Variants in HOXC6 observed in about 807,000 individuals in gnomAD.
The protein encoded by HOXC6 is homeobox protein Hox-C6.
HOXC6 carries 10 observed loss-of-function variants against 24.0 expected under a neutral mutation model. That is an observed-to-expected ratio of 0.42 (90% CI 0.26 to 0.71). The LOEUF (loss-of-function observed/expected upper bound fraction) is 0.71, where lower values mean the gene tolerates loss of function less well. Ranked by LOEUF, HOXC6 falls within the 30% of genes least tolerant of loss-of-function variation. The pLI, the probability that HOXC6 is intolerant of heterozygous loss-of-function variation, is 0.28. For missense variants in HOXC6, 258 were observed against 303.4 expected (o/e 0.85, Z 1.11); for synonymous variants, 123 against 128.1 (o/e 0.96, Z 0.27).
rs1030404980 is a variant in HOXC6 at position 54,030,122 on chromosome 12, A to T, written c.*160A>T. Reference sequence around the variant, plus strand: ...ACGTGGACCTGAAAGTCAGCTCTGGACCCCCTCCCTCACCGCACAACTCTC... The same window carrying T: ...ACGTGGACCTGAAAGTCAGCTCTGGTCCCCCTCCCTCACCGCACAACTCTC... On this transcript the variant is annotated 3_prime_UTR_variant, in exon 2 of 2. Transcript: ENST00000243108. 1 of 642,498 alleles carries T rather than the reference A, an allele frequency of 1.6e-6. No individual in the cohort carries two copies. The allele number at this position is 642,498 out of a possible 1,614,324, so 39.8% of individuals were successfully genotyped here. A position where few individuals can be genotyped will look rare whatever the true frequency, so the allele number is the denominator to read the frequency against.
intron 1 of HOXC6, among the ~76,000 whole-genome samples, chr12:54,029,247 G>A (rs1185274167): frequency 6.6e-6 from 1 of 152,204 alleles, no homozygotes; most frequent in African/African-American, 2.4e-5. Flanking sequence ...AGGGGGAGAG[G>A]AGAGGCAGAT....
chr12:54,026,965 G>T (rs1021183138), upstream of HOXC6, among the ~76,000 whole-genome samples: 9 of 45,180 alleles, frequency 2.0e-4, no homozygotes, highest in Non-Finnish European at 1.5e-4. Context: ...CAAAAATGGT[G>T]GGGGGGGGGG....
chr12:54,029,699 T>C lies in HOXC6; in HGVS notation c.445T>C (p.Ser149Pro). The change falls in exon 2 of 2, where the codon TCG becomes CCG. Residue 149 changes from serine to proline, a missense_variant. Ser to Pro is a moderately conservative substitution (Grantham distance 74, BLOSUM62 -1). Transcript: ENST00000243108. ...CCGGAGGCGCGGCCGCCAGATCTAC[T>C]CGCGGTACCAGACCCTGGAACTGGA... ...ADRRRGRQIY[S>P]RYQTLELEKE... The C allele has an allele frequency of 6.2e-7, 1 of 1,614,012 alleles. No individual in the cohort carries two copies. The highest frequency in any genetic ancestry group is 8.5e-7 in the Non-Finnish European group (1 of 1,179,934).
At chr12:54,024,232 G>C (rs976729230), upstream of HOXC6, among the ~76,000 whole-genome samples, 6 of 152,224 alleles carry the variant, frequency 3.9e-5, no homozygotes, top group Middle Eastern at 6.8e-3. Flanking sequence ...AGAAAAGTGA[G>C]ACTTGGGGGT....
Position 54,030,664 on chromosome 12 carries a change from A to G in HOXC6, c.*702A>G, listed in dbSNP as rs760238658. On this transcript the variant is annotated 3_prime_UTR_variant, in exon 2 of 2. Transcript: ENST00000243108. ...TTCAAAAAAGGAAAAAAAAGAGGGAAAATTACAAAAAGAGAGAAAAAAAGT... is the reference window on the plus strand; with the variant it reads ...TTCAAAAAAGGAAAAAAAAGAGGGAGAATTACAAAAAGAGAGAAAAAAAGT... 6.5e-6 allele frequency: 1 copy of G among 152,676 alleles called. No homozygotes were observed. Among genetic ancestry groups the G allele is most frequent in the Non-Finnish European group, 1.5e-5 (1 of 68,050 alleles). The allele number at this position is 152,676 out of a possible 1,614,324, so 9.5% of individuals were successfully genotyped here.
At chr12:54,029,593 A>C (rs756477892) in intron 1 of HOXC6, 62 bp from the exon 2 acceptor site, 1 of 1,544,270 alleles carries the variant, frequency 6.5e-7, no homozygotes, top group Admixed American at 1.8e-5. Flanking sequence ...TTGCTAGGCG[A>C]AACAGTCTGC....
At chr12:54,028,376 C>A (rs1940823320), upstream of HOXC6, 3 of 818,734 alleles carry the variant, frequency 3.7e-6, no homozygotes, top group Non-Finnish European at 5.6e-6. Flanking sequence ...ATCTGGCTTG[C>A]GATTGGCTGG....
At chr12:54,016,902 C>A (rs1391305647) in exon 1 of HOXC6, 1 of 152,220 alleles carries the variant, frequency 6.6e-6, no homozygotes, top group Non-Finnish European at 1.5e-5. Flanking sequence ...AACAGTCCTC[C>A]CTGTAAGAGC....
At chr12:54,023,032 C>T (rs966040168) in intron 1 of HOXC6, among the ~76,000 whole-genome samples, 1 of 152,188 alleles carries the variant, frequency 6.6e-6, no homozygotes, top group African/African-American at 2.4e-5. Flanking sequence ...CTGGGCCAAG[C>T]AGGGCCACTT....
At chr12:54,018,520 AT>A (rs1940270325) in intron 1 of HOXC6, among the ~76,000 whole-genome samples, 1 of 152,196 alleles carries the variant, frequency 6.6e-6, no homozygotes, top group South Asian at 2.1e-4. Flanking sequence ...GATCTCTCTA[AT>A]AATTGGTGCT....
At position 54,030,104 on chromosome 12, in the gene HOXC6, C is replaced by A; in HGVS notation, c.*142C>A. The A allele has an allele frequency of 2.4e-6, 2 of 823,596 alleles. No individual in the cohort carries two copies. Among genetic ancestry groups the A allele is most frequent in the Non-Finnish European group, 3.7e-6 (2 of 542,886 alleles). The allele number at this position is 823,596 out of a possible 1,614,324, so 51.0% of individuals were successfully genotyped here. A position where few individuals can be genotyped will look rare whatever the true frequency, so the allele number is the denominator to read the frequency against. On this transcript the variant is annotated 3_prime_UTR_variant, in exon 2 of 2. Transcript: ENST00000243108. ...ACAAAATTAGGGAGTCAAACGTGGACCTGAAAGTCAGCTCTGGACCCCCTC... is the reference window on the plus strand; with the variant it reads ...ACAAAATTAGGGAGTCAAACGTGGAACTGAAAGTCAGCTCTGGACCCCCTC...
At position 54,029,748 on chromosome 12, in the gene HOXC6, A is replaced by G; in HGVS notation, c.494A>G (p.Tyr165Cys). Residue 165 changes from tyrosine to cysteine, a missense_variant, in exon 2 of 2, where the codon TAC becomes TGC. Physicochemically the swap from Tyr to Cys is radical, Grantham distance 194. Coordinates refer to ENST00000243108, the MANE Select transcript of HOXC6 (RefSeq NM_004503.4). The part of the protein sequence containing the change: ...ELEKEFHFNR[Y>C]LTRRRRIEIA... ...GAGAAGGAATTTCACTTCAATCGCT[A>G]CCTAACGCGGCGCCGGCGCATCGAG... 1 of 1,614,156 alleles carries G rather than the reference A, an allele frequency of 6.2e-7. No individual in the cohort carries two copies. The highest frequency in any genetic ancestry group is 8.5e-7 in the Non-Finnish European group (1 of 1,180,022).
At chr12:54,020,152 C>T (rs1387100409) in intron 1 of HOXC6, 1 of 152,386 alleles carries the variant, frequency 6.6e-6, no homozygotes, top group Middle Eastern at 3.4e-3. Context: ...TCCCTGCTGA[C>T]GTGGTCCTTC....
rs759420807 is a variant in HOXC6, at chr12:54,029,756, C to T, written c.502C>T (p.Arg168Trp). The T allele has an allele frequency of 6.2e-7, 1 of 1,614,154 alleles. No homozygotes were observed. The highest frequency in any genetic ancestry group is 8.5e-7 in the Non-Finnish European group (1 of 1,180,020). Residue 168 changes from arginine to tryptophan, a missense_variant, in exon 2 of 2, where the codon CGG (arginine) becomes TGG (tryptophan). Coordinates refer to ENST00000243108, the MANE Select transcript of HOXC6 (RefSeq NM_004503.4). ...KEFHFNRYLT[R>W]RRRIEIANAL... is the part of the protein sequence containing the mutation. ...ATTTCACTTCAATCGCTACCTAACGCGGCGCCGGCGCATCGAGATCGCCAA... is the reference window on the plus strand; with the variant it reads ...ATTTCACTTCAATCGCTACCTAACGTGGCGCCGGCGCATCGAGATCGCCAA...
chr12:54,024,271 C>T (rs942110091), upstream of HOXC6, among the ~76,000 whole-genome samples: 1 of 152,118 alleles, frequency 6.6e-6, no homozygotes, highest in Non-Finnish European at 1.5e-5. Flanking sequence ...CAGCTGCGGT[C>T]GCGTCCAGGC....
intron 1 of HOXC6, among the ~76,000 whole-genome samples, chr12:54,022,872 G>A (rs188336252): frequency 8.9e-4 from 136 of 152,162 alleles, no homozygotes; most frequent in Admixed American, 8.6e-3. Context: ...CATGTGGAGG[G>A]GTATAGAAGA....
At position 54,028,770 on chromosome 12, in the gene HOXC6, G is replaced by A; in HGVS notation, c.249G>A (p.Met83Ile). ...GSNSFYQEKDMLSNCRQNTLG... is the reference protein window; with the variant it reads ...GSNSFYQEKDILSNCRQNTLG... ...ATTCCTTTTACCAGGAGAAAGACATGCTCTCAAACTGCAGACAAAACACCT... is the reference window on the plus strand; with the variant it reads ...ATTCCTTTTACCAGGAGAAAGACATACTCTCAAACTGCAGACAAAACACCT... The change falls in exon 1 of 2, where the codon ATG (methionine) becomes ATA (isoleucine). Residue 83 changes from methionine to isoleucine, a missense_variant. Met to Ile is a conservative substitution (Grantham distance 10). Coordinates refer to ENST00000243108, the MANE Select transcript of HOXC6 (RefSeq NM_004503.4). 1 of 1,614,124 alleles carries A rather than the reference G, an allele frequency of 6.2e-7. No individual in the cohort carries two copies. Among genetic ancestry groups the A allele is most frequent in the Non-Finnish European group, 8.5e-7 (1 of 1,180,038 alleles).
At chr12:54,022,298 TCTC>T (rs1940485947) in intron 1 of HOXC6, 1 of 152,090 alleles carries the variant, frequency 6.6e-6, no homozygotes, top group Non-Finnish European at 1.5e-5. Flanking sequence ...CCACACTCCC[TCTC>T]CTCAGCCCCC....
intron 1 of HOXC6, 113 bp downstream of exon 1, chr12:54,029,034 G>GCTCGTCTC: frequency 9.6e-7 from 1 of 1,038,042 alleles, no homozygotes; most frequent in Non-Finnish European, 1.4e-6. Context: ...AAACAATCAC[G>GCTCGTCTC]CTCGTCTCCT....
Sources: allele counts gnomAD v4.1 joint callset (sites outside exome capture counted in the v4.1 genomes callset), GRCh38; gene constraint gnomAD v4.1.1; transcripts MANE v1.5; gene names NCBI Gene and HGNC (gene_info 2026-07-23, HGNC 2026-07-21).